FHIP1A: variants seen among roughly 807,000 people sequenced by gnomAD.
The protein encoded by FHIP1A is FHF complex subunit HOOK-interacting protein 1A.
Under a neutral mutation model 88.6 loss-of-function variants are expected in FHIP1A, and 61 were observed. The observed-to-expected ratio is 0.69, with a 90% CI of 0.56 to 0.85. The LOEUF is 0.85. Among genes scored for constraint, FHIP1A ranks in the 40% least tolerant of loss-of-function variants. FHIP1A has a pLI of 0.00. For missense variants in FHIP1A, 1,154 were observed against 1,273.5 expected, an observed-to-expected ratio of 0.91 and a Z score of 1.43; for synonymous variants, 478 against 496.0, an observed-to-expected ratio of 0.96 and a Z score of 0.48.
At chr4:151,587,382 T>C (rs1734259414) in intron 6 of FHIP1A, among the ~76,000 whole-genome samples, 1 of 152,154 alleles carries the variant, frequency 6.6e-6, no homozygotes, top group African/African-American at 2.4e-5. Flanking sequence ...CTGTTTTCAA[T>C]AAAAATCAGA....
intron 5 of FHIP1A, among the ~76,000 whole-genome samples, chr4:151,580,853 A>C (rs547415688): frequency 6.6e-6 from 1 of 152,216 alleles, no homozygotes; most frequent in South Asian, 2.1e-4. Flanking sequence ...TTATTTATTT[A>C]TTTATTTATT....
chr4:151,423,168 A>G (rs1162816828), intron 1 of FHIP1A, among the ~76,000 whole-genome samples: 1 of 152,186 alleles, frequency 6.6e-6, no homozygotes, highest in African/African-American at 2.4e-5. Flanking sequence ...CTGACAGAGT[A>G]GTCTTAAATA....
chr4:151,644,851 G>C (rs9307885), intron 9 of FHIP1A, among the ~76,000 whole-genome samples: 4,905 of 152,122 alleles, frequency 0.032, 269 homozygotes, highest in African/African-American at 0.11. Context: ...TGTCTTCTCT[G>C]GGTGCCCACT....
At chr4:151,456,329 G>A (rs2126591073) in intron 2 of FHIP1A, among the ~76,000 whole-genome samples, 1 of 152,272 alleles carries the variant, frequency 6.6e-6, no homozygotes, top group East Asian at 1.9e-4. Flanking sequence ...CAAAATAAAT[G>A]CAAAGTAAAA....
chr4:151,416,538 G>A (rs916553556), intron 1 of FHIP1A, among the ~76,000 whole-genome samples: 1 of 152,046 alleles, frequency 6.6e-6, no homozygotes, highest in African/African-American at 2.4e-5. Flanking sequence ...TTATGCCTAA[G>A]TATATAGTGA....
chr4:151,440,884 C>CTAGT (rs1411715520), intron 1 of FHIP1A, among the ~76,000 whole-genome samples: 5 of 152,298 alleles, frequency 3.3e-5, no homozygotes, highest in African/African-American at 1.2e-4. Context: ...CCATCTCACA[C>CTAGT]TAGTGCCCCT....
chr4:151,611,530 G>A (rs4696276), intron 7 of FHIP1A, among the ~76,000 whole-genome samples: 42,920 of 152,058 alleles, frequency 0.28, 6,340 homozygotes, highest in Non-Finnish European at 0.33. Context: ...ATGAGATATC[G>A]AGGTAAAATA....
intron 3 of FHIP1A, among the ~76,000 whole-genome samples, chr4:151,527,218 C>G (rs1163344100): frequency 6.6e-6 from 1 of 152,238 alleles, no homozygotes; most frequent in Non-Finnish European, 1.5e-5. Flanking sequence ...CGCCACTGCA[C>G]TCCAGCCTGG....
rs980920304 is a variant in FHIP1A at position 151,667,335 on chromosome 4, C to T, written c.*4581C>T. 1.3e-5 allele frequency: 2 copies of T among 152,202 alleles called. No homozygotes were observed. Among genetic ancestry groups the T allele is most frequent in the African/African-American group, 2.4e-5 (1 of 41,444 alleles). 9.4% of individuals were successfully genotyped at this position (152,202 alleles called of 1,614,324 possible). On this transcript the variant is annotated 3_prime_UTR_variant, in exon 14 of 14. Transcript: ENST00000435205. ...AACACTGTCAAACCACTTTATGTTC[C>T]ACCCTTAAATCACATCACTGAGGAA... is the stretch of plus-strand genomic sequence containing the variant.
At chr4:151,431,898 A>G (rs1733605891) in intron 1 of FHIP1A, among the ~76,000 whole-genome samples, 1 of 152,178 alleles carries the variant, frequency 6.6e-6, no homozygotes, top group African/African-American at 2.4e-5. Flanking sequence ...AGGAAGCTGA[A>G]GTGAAGAGAG....
At chr4:151,523,745 T>TA (rs1274272012) in intron 3 of FHIP1A, among the ~76,000 whole-genome samples, 1 of 152,174 alleles carries the variant, frequency 6.6e-6, no homozygotes, top group East Asian at 1.9e-4. Context: ...ATGTGTTTGG[T>TA]AAGTGTTTAG....
intron 8 of FHIP1A, among the ~76,000 whole-genome samples, chr4:151,634,693 T>C (rs1304023028): frequency 6.6e-6 from 1 of 151,796 alleles, no homozygotes; most frequent in East Asian, 1.9e-4. Flanking sequence ...TAAAACTGGA[T>C]ATCCACATGC....
intron 3 of FHIP1A, among the ~76,000 whole-genome samples, chr4:151,559,985 G>A (rs1436099097): frequency 6.6e-6 from 1 of 152,136 alleles, no homozygotes; most frequent in Non-Finnish European, 1.5e-5. Context: ...ATTCTCAATG[G>A]TTTTACCATG....
At chr4:151,578,388 G>T (rs190723222) in intron 5 of FHIP1A, among the ~76,000 whole-genome samples, 9 of 152,284 alleles carry the variant, frequency 5.9e-5, no homozygotes, top group Non-Finnish European at 1.3e-4. Context: ...GGTAAAACCT[G>T]TGCTTTCTGA....
At chr4:151,444,564 AT>A (rs941947331) in intron 1 of FHIP1A, among the ~76,000 whole-genome samples, 23 of 151,822 alleles carry the variant, frequency 1.5e-4, no homozygotes, top group African/African-American at 5.6e-4. Flanking sequence ...ATTATCCTTC[AT>A]TTCTTAGTCA....
Position 151,466,980 on chromosome 4 carries a change from G to A in FHIP1A, c.-248+12172G>A, listed in dbSNP as rs186624080. ...CAACAAAAGCCAAAATTGAGAAATG[G>A]AATGTAATTAAACTAAAGAGCTTCT... On this transcript the variant is annotated intron_variant, in intron 2 of 13. Coordinates refer to ENST00000435205, the MANE Select transcript of FHIP1A (RefSeq NM_001109977.3). Among the ~76,000 whole-genome samples the A allele has an allele frequency of 5.6e-4, 85 of 152,276 alleles. 2 individuals are homozygous for A. In the East Asian group the frequency reaches 0.014, roughly 25 times the overall value.
chr4:151,409,895 C>T (rs1049310511), intron 1 of FHIP1A, among the ~76,000 whole-genome samples: 1 of 152,132 alleles, frequency 6.6e-6, no homozygotes, highest in Non-Finnish European at 1.5e-5. Flanking sequence ...GAGACAGAGG[C>T]GGTGCCCCTC....
At chr4:151,657,043 C>A in intron 13 of FHIP1A, 145 bp downstream of exon 13, 2 of 852,516 alleles carry the variant, frequency 2.3e-6, no homozygotes, top group Non-Finnish European at 3.5e-6. Flanking sequence ...CAGGGAGGAA[C>A]CACCTCTTAG....
intron 1 of FHIP1A, among the ~76,000 whole-genome samples, chr4:151,433,359 G>A (rs1449325684): frequency 6.6e-6 from 1 of 151,648 alleles, no homozygotes; most frequent in Non-Finnish European, 1.5e-5. Context: ...TAGTAAGGCA[G>A]TCTACTGATG....
Sources: gnomAD v4.1 joint callset for allele counts (sites outside exome capture counted in the v4.1 genomes callset) on GRCh38, gnomAD v4.1.1 for gene constraint, MANE v1.5 for transcripts, NCBI Gene and HGNC (gene_info 2026-07-23, HGNC 2026-07-21) for gene names.